The following EPB41L3 variants were observed in gnomAD, a reference collection of about 807,000 sequenced individuals.
EPB41L3 encodes the protein erythrocyte membrane protein band 4.1 like 3, also known as band 4.1-like protein 3.
EPB41L3 carries 57 observed loss-of-function variants against 127.1 expected under a neutral mutation model. The observed-to-expected ratio is 0.45, with a 90% CI of 0.36 to 0.56. EPB41L3 has a LOEUF of 0.56. Ranked by LOEUF, EPB41L3 falls within the 20% of genes least tolerant of loss-of-function variation. EPB41L3 has a pLI of 0.00. For synonymous variants in EPB41L3, 572 were observed against 549.5 expected (o/e 1.04, Z -0.57); for missense variants, 1,273 against 1,372.2 (o/e 0.93, Z 1.14).
At chr18:5,447,866 A>C (rs1286299559) in intron 3 of EPB41L3, among the ~76,000 whole-genome samples, 8 of 152,178 alleles carry the variant, frequency 5.3e-5, no homozygotes, top group Non-Finnish European at 1.5e-5. Context: ...TTCTTACTGA[A>C]TATTTTAAAC....
intron 1 of EPB41L3, among the ~76,000 whole-genome samples, chr18:5,616,058 T>A (rs2094791148): frequency 6.6e-6 from 1 of 152,098 alleles, no homozygotes; most frequent in Non-Finnish European, 1.5e-5. Context: ...GCAATCTCCC[T>A]TGGTAATCTC....
rs745480514 is a variant in EPB41L3, at chr18:5,393,408, G to C, written c.*77C>G. 5 of 689,552 alleles carry C rather than the reference G, an allele frequency of 7.3e-6. No homozygotes were observed. Among genetic ancestry groups the C allele is most frequent in the African/African-American group, 3.5e-5 (2 of 56,416 alleles). The allele number at this position is 689,552 out of a possible 1,614,324, so 42.7% of individuals were successfully genotyped here. ...GATACAAGTCAGTTGGGTTAGAAGA[G>C]GGAACTCCATATAGGCTCTGGTTTT... On this transcript the variant is annotated 3_prime_UTR_variant, in exon 23 of 23. Coordinates refer to ENST00000341928, the MANE Select transcript of EPB41L3 (RefSeq NM_012307.5).
chr18:5,571,143 A>C (rs999565567), intron 3 of EPB41L3, among the ~76,000 whole-genome samples: 1 of 152,222 alleles, frequency 6.6e-6, no homozygotes, highest in Non-Finnish European at 1.5e-5. Context: ...ACTATGCCAA[A>C]AGTAGTTGTG....
chr18:5,473,328 A>G (rs2086520442), intron 3 of EPB41L3, among the ~76,000 whole-genome samples: 1 of 152,034 alleles, frequency 6.6e-6, no homozygotes, highest in Non-Finnish European at 1.5e-5. Flanking sequence ...CCTTTGAGTA[A>G]CACCTACCAC....
chr18:5,417,970 G>C (rs1296300883), intron 12 of EPB41L3, among the ~76,000 whole-genome samples: 1 of 152,080 alleles, frequency 6.6e-6, no homozygotes, highest in Admixed American at 6.6e-5. Context: ...GCAACCTAGG[G>C]GACCAGCCTT....
rs527560234 is a variant in EPB41L3, at chr18:5,482,587, G to A, written c.184-4149C>T. ...CTCTCAAAGCTCAAGAACAAAGACA[G>A]AACCCTAAAAGCAGCAAGAGAAAAA... On this transcript the variant is annotated intron_variant, in intron 2 of 22. Coordinates refer to ENST00000341928, the MANE Select transcript of EPB41L3 (RefSeq NM_012307.5). Among the ~76,000 whole-genome samples, 4 of 152,148 alleles carry A rather than the reference G, an allele frequency of 2.6e-5. No homozygotes were observed. In the South Asian group the frequency reaches 8.3e-4, roughly 32 times the overall value.
intron 1 of EPB41L3, among the ~76,000 whole-genome samples, chr18:5,517,169 A>G (rs1378094533): frequency 2.0e-5 from 3 of 152,110 alleles, no homozygotes; most frequent in African/African-American, 7.2e-5. Context: ...ATATTTGTCA[A>G]TGGATGAATG....
intron 3 of EPB41L3, among the ~76,000 whole-genome samples, chr18:5,447,228 G>C (rs1432388379): frequency 1.3e-5 from 2 of 152,170 alleles, no homozygotes; most frequent in South Asian, 2.1e-4. Flanking sequence ...ATGTGGCCTA[G>C]TGGTGGCATA....
At chr18:5,453,622 C>T (rs922734971) in intron 3 of EPB41L3, among the ~76,000 whole-genome samples, 1 of 152,228 alleles carries the variant, frequency 6.6e-6, no homozygotes, top group African/African-American at 2.4e-5. Flanking sequence ...GGGCTGTCTA[C>T]ACCGTAAGTA....
chr18:5,426,748 C>T (rs1487635334), intron 9 of EPB41L3, among the ~76,000 whole-genome samples: 28 of 152,152 alleles, frequency 1.8e-4, no homozygotes, highest in Admixed American at 1.8e-3. Flanking sequence ...AATAGAAAAT[C>T]CCTTAACAAG....
chr18:5,489,165 A>G lies in EPB41L3; in HGVS notation c.19T>C (p.Ser7Pro). 6.3e-7 allele frequency: 1 copy of G among 1,597,384 alleles called. No individual in the cohort carries two copies. The highest frequency in any genetic ancestry group is 8.5e-7 in the Non-Finnish European group (1 of 1,175,134). MTTESG[S>P]DSESKPDQEA... ...TGGTCCGGCTTGGATTCCGAGTCTG[A>G]TCCAGATTCGGTCGTCATGGTTGAT... Residue 7 changes from serine to proline, a missense_variant, in exon 2 of 23, where the codon TCA (serine) becomes CCA (proline). Physicochemically the swap from Ser to Pro is moderately conservative, Grantham distance 74. Around this residue, in one of 3 missense-constraint regions of EPB41L3, gnomAD observed 182 missense variants for 149.2 expected, o/e 1.22. Coordinates refer to ENST00000341928, the MANE Select transcript of EPB41L3 (RefSeq NM_012307.5).
chr18:5,406,286 T>C (rs1040626397), intron 16 of EPB41L3, among the ~76,000 whole-genome samples: 12 of 151,966 alleles, frequency 7.9e-5, no homozygotes, highest in African/African-American at 2.4e-4. Flanking sequence ...ATAAATCAAT[T>C]AAGATAATCA....
chr18:5,420,199 G>T (rs1178560187), intron 11 of EPB41L3: 1 of 409,202 alleles, frequency 2.4e-6, no homozygotes, highest in Admixed American at 4.0e-5. Flanking sequence ...GTGTAAGTGT[G>T]GAGGTGAGTG....
upstream of EPB41L3, chr18:5,630,230 C>G (rs949527254): frequency 2.7e-6 from 1 of 372,384 alleles, no homozygotes; most frequent in African/African-American, 2.2e-5. Flanking sequence ...CCAGGCAGCC[C>G]CCGGTCGGGC....
Position 5,416,290 on chromosome 18 carries a change from C to A in EPB41L3, c.1595G>T (p.Cys532Phe). Reference protein sequence around the residue: ...PTSPTELRRRCKENDCKLPGY... With the variant: ...PTSPTELRRRFKENDCKLPGY... ...TGGCAGTTTGCAGTCATTCTCCTTACACCTCCTACGGAGCTCTGTGGGAGA... is the reference window on the plus strand; with the variant it reads ...TGGCAGTTTGCAGTCATTCTCCTTAAACCTCCTACGGAGCTCTGTGGGAGA... The change falls in exon 13 of 23, where the codon TGT becomes TTT. Residue 532 changes from cysteine (C) to phenylalanine (F), a missense_variant. Cys to Phe is a radical substitution (Grantham distance 205). Around this residue, in one of 3 missense-constraint regions of EPB41L3, gnomAD observed 765 missense variants for 782.9 expected, o/e 0.98. Transcript: ENST00000341928. 1.2e-6 allele frequency: 2 copies of A among 1,614,134 alleles called. No individual in the cohort carries two copies. The highest frequency in any genetic ancestry group is 1.7e-6 in the Non-Finnish European group (2 of 1,180,028).
rs939804535 is a variant in EPB41L3 at position 5,502,888 on chromosome 18, T to G, written c.-11-13694A>C. The stretch of plus-strand genomic sequence containing the variant: ...TTTGGAGGGAAGAGGTGAGCCACCA[T>G]CAGACGCCAGACAGCTGGAGAGGGT... On this transcript the variant is annotated intron_variant, in intron 1 of 22. Coordinates refer to ENST00000341928, the MANE Select transcript of EPB41L3 (RefSeq NM_012307.5). Among the ~76,000 whole-genome samples the G allele has an allele frequency of 6.8e-4, 104 of 152,282 alleles. 1 individual carries two copies. The highest frequency in any genetic ancestry group is 2.5e-3 in the African/African-American group (102 of 41,550).
At chr18:5,562,920 AG>A (rs2094152109) in intron 3 of EPB41L3, among the ~76,000 whole-genome samples, 1 of 152,250 alleles carries the variant, frequency 6.6e-6, no homozygotes, top group Non-Finnish European at 1.5e-5. Context: ...ATGAAATAAA[AG>A]TGTGGGTCTC....
chr18:5,451,499 G>A (rs1262893635), intron 3 of EPB41L3, among the ~76,000 whole-genome samples: 1 of 152,062 alleles, frequency 6.6e-6, no homozygotes, highest in African/African-American at 2.4e-5. Context: ...GCACTTTATG[G>A]CAGCACTTTC....
intron 1 of EPB41L3, among the ~76,000 whole-genome samples, chr18:5,518,129 A>G (rs2148770899): frequency 6.6e-6 from 1 of 152,254 alleles, no homozygotes; most frequent in East Asian, 1.9e-4. Flanking sequence ...ATTTAAGGTC[A>G]GGTCAGGGGA....
Sources: allele counts gnomAD v4.1 joint callset (sites outside exome capture counted in the v4.1 genomes callset), GRCh38; gene constraint gnomAD v4.1.1; regional missense constraint gnomAD v4.1.1; transcripts MANE v1.5; gene names NCBI Gene and HGNC (gene_info 2026-07-23, HGNC 2026-07-21).